RHOBTB2: variants seen among roughly 807,000 people sequenced by gnomAD.
RHOBTB2 encodes the protein Rho related BTB domain containing 2, also known as rho-related BTB domain-containing protein 2.
Under a neutral mutation model 66.5 loss-of-function variants are expected in RHOBTB2, and 39 were observed. The observed-to-expected ratio is 0.59, with a 90% confidence interval of 0.45 to 0.77. The LOEUF (loss-of-function observed/expected upper bound fraction) is 0.77, where lower values mean the gene tolerates loss of function less well. Ranked by LOEUF, RHOBTB2 falls within the 30% of genes least tolerant of loss-of-function variation. RHOBTB2 has a pLI of 0.00. For missense variants in RHOBTB2, 755 were observed against 999.1 expected, an observed-to-expected ratio of 0.76 and a Z score of 3.29; for synonymous variants, 390 against 395.0, an observed-to-expected ratio of 0.99 and a Z score of 0.15.
At chr8:22,982,695 C>A (rs1279690990), upstream of RHOBTB2, among the ~76,000 whole-genome samples, 1 of 152,180 alleles carries the variant, frequency 6.6e-6, no homozygotes, top group African/African-American at 2.4e-5. Context: ...AACAAACAAA[C>A]AAATGAAGAA....
the RHOBTB2 span, among the ~76,000 whole-genome samples, chr8:22,981,024 A>G: frequency 6.6e-6 from 1 of 152,224 alleles, no homozygotes; most frequent in Non-Finnish European, 1.5e-5. Context: ...ATCTGTTTGT[A>G]GAGATTAAAG....
the RHOBTB2 span, among the ~76,000 whole-genome samples, chr8:22,964,904 C>T: frequency 1.3e-5 from 2 of 151,992 alleles, no homozygotes; most frequent in South Asian, 4.2e-4. Context: ...GCAACCTCCA[C>T]CTCCTGGGTT....
At position 23,020,162 on chromosome 8, in the gene RHOBTB2, G is replaced by T; in HGVS notation, c.*2693G>T. On this transcript the variant is annotated 3_prime_UTR_variant, in exon 10 of 10. Coordinates refer to ENST00000251822, the MANE Select transcript of RHOBTB2 (RefSeq NM_015178.3). ...TATATAAGGTTTCATATTTAATTTG[G>T]TCATGGATTCATAAATACATAAGTA... 2 of 412,326 alleles carry T rather than the reference G, an allele frequency of 4.9e-6. No homozygotes were observed. Among genetic ancestry groups the T allele is most frequent in the South Asian group, 3.5e-5 (2 of 57,804 alleles). 25.5% of individuals were successfully genotyped at this position (412,326 alleles called of 1,614,324 possible).
chr8:22,980,569 T>G, the RHOBTB2 span, among the ~76,000 whole-genome samples: 1 of 152,218 alleles, frequency 6.6e-6, no homozygotes, highest in Non-Finnish European at 1.5e-5. Context: ...TGTATTTACC[T>G]TACCAGTGTG....
the RHOBTB2 span, among the ~76,000 whole-genome samples, chr8:22,959,664 G>A: frequency 2.0e-5 from 3 of 151,970 alleles, no homozygotes; most frequent in South Asian, 2.1e-4. Context: ...CTAGTTATCC[G>A]CATACTTTTT....
the RHOBTB2 span, among the ~76,000 whole-genome samples, chr8:22,976,816 G>A: frequency 6.6e-6 from 1 of 151,906 alleles, no homozygotes; most frequent in Non-Finnish European, 1.5e-5. Context: ...AAGTAGACAC[G>A]GGTTTTGCTA....
At chr8:22,963,760 A>ATTTT in the RHOBTB2 span, among the ~76,000 whole-genome samples, 1 of 151,686 alleles carries the variant, frequency 6.6e-6, no homozygotes, top group Non-Finnish European at 1.5e-5. Context: ...GGACACTCTT[A>ATTTT]TTTTATTTAT....
the RHOBTB2 span, among the ~76,000 whole-genome samples, chr8:22,966,171 G>A: frequency 5.9e-4 from 89 of 151,508 alleles, 3 homozygotes; most frequent in East Asian, 0.016. Flanking sequence ...GTCAAAGTAG[G>A]GAAACCCTAT....
Position 23,005,266 on chromosome 8 carries a change from G to A in RHOBTB2, c.193-106G>A. The stretch of plus-strand genomic sequence containing the variant: ...TGCCAGCCTTGTCCCTCCATGCCCA[G>A]TGATGTCTGGGGCCCCCAGGTGTCA... On this transcript the variant is annotated intron_variant, in intron 2 of 9. Transcript: ENST00000251822. 5.3e-6 allele frequency: 4 copies of A among 749,926 alleles called. No individual in the cohort carries two copies. In the South Asian group the frequency reaches 5.9e-5, roughly 11 times the overall value. 46.5% of individuals were successfully genotyped at this position (749,926 alleles called of 1,614,324 possible). A position where few individuals can be genotyped will look rare whatever the true frequency, so the allele number is the denominator to read the frequency against.
chr8:22,986,171 TC>T (rs1810285341), upstream of RHOBTB2, among the ~76,000 whole-genome samples: 1 of 148,248 alleles, frequency 6.7e-6, no homozygotes, highest in Admixed American at 6.7e-5. Context: ...TCTCTCTCTT[TC>T]GTATTTAACT....
chr8:22,962,920 A>C, the RHOBTB2 span, among the ~76,000 whole-genome samples: 3 of 152,232 alleles, frequency 2.0e-5, no homozygotes, highest in African/African-American at 7.2e-5. Flanking sequence ...TGGAAGCCTC[A>C]TTTGCTCACA....
intron 1 of RHOBTB2, among the ~76,000 whole-genome samples, chr8:23,000,637 T>C (rs1025618895): frequency 6.6e-6 from 1 of 152,146 alleles, no homozygotes; most frequent in Non-Finnish European, 1.5e-5. Context: ...ATTTCTTTAA[T>C]CTGACCATTC....
the RHOBTB2 span, chr8:22,977,744 T>C: frequency 6.6e-6 from 1 of 152,188 alleles, no homozygotes; most frequent in East Asian, 1.9e-4. Context: ...TAAAAATGTG[T>C]GGGGACATAT....
chr8:22,952,598 T>C, the RHOBTB2 span, among the ~76,000 whole-genome samples: 1 of 151,852 alleles, frequency 6.6e-6, no homozygotes, highest in African/African-American at 2.4e-5. Flanking sequence ...ACAGCAGGAG[T>C]GAAAGTGTAT....
chr8:22,996,270 C>G (rs1485178098), upstream of RHOBTB2, among the ~76,000 whole-genome samples: 2 of 152,032 alleles, frequency 1.3e-5, no homozygotes, highest in Non-Finnish European at 1.5e-5. Flanking sequence ...GGAAGAGATG[C>G]TGGGGTTGGG....
chr8:22,964,377 C>G, the RHOBTB2 span, among the ~76,000 whole-genome samples: 1 of 152,154 alleles, frequency 6.6e-6, no homozygotes, highest in Non-Finnish European at 1.5e-5. Context: ...CATAAGTAAG[C>G]AGACCATGTT....
At chr8:22,995,757 T>G, upstream of RHOBTB2, 1 of 1,250,608 alleles carries the variant, frequency 8.0e-7, no homozygotes. Context: ...AGCTGCAGGG[T>G]AGGAACACCA....
At chr8:22,955,711 AG>A in the RHOBTB2 span, among the ~76,000 whole-genome samples, 180 of 151,956 alleles carry the variant, frequency 1.2e-3, no homozygotes, top group Middle Eastern at 3.4e-3. Flanking sequence ...CTGGGACTAC[AG>A]GTGTGCACCA....
the RHOBTB2 span, among the ~76,000 whole-genome samples, chr8:22,978,404 G>A: frequency 8.6e-4 from 130 of 150,508 alleles, 1 homozygote; most frequent in South Asian, 0.01. Flanking sequence ...GGAGAATGGC[G>A]TGAGCCCGGG....
Sources: allele counts gnomAD v4.1 joint callset (sites outside exome capture counted in the v4.1 genomes callset), GRCh38; gene constraint gnomAD v4.1.1; transcripts MANE v1.5; gene names NCBI Gene and HGNC (gene_info 2026-07-23, HGNC 2026-07-21).